The following MITF variants were observed in gnomAD, a reference collection of about 807,000 sequenced individuals.
The protein encoded by MITF is microphthalmia-associated transcription factor.
A neutral mutation model predicts 60.5 loss-of-function variants in MITF; 17 were observed. The ratio of observed to expected loss-of-function variants is 0.28; its 90% CI spans 0.19 to 0.42. MITF has a LOEUF of 0.42. Among genes scored for constraint, MITF ranks in the 10% least tolerant of loss-of-function variants. MITF has a pLI of 1.00. For synonymous variants in MITF, 260 were observed against 248.5 expected (o/e 1.05, Z -0.43); for missense variants, 622 against 683.5 (o/e 0.91, Z 1.00).
At chr3:69,920,092 C>T (rs1575963923) in intron 2 of MITF, among the ~76,000 whole-genome samples, 1 of 152,138 alleles carries the variant, frequency 6.6e-6, no homozygotes, top group East Asian at 1.9e-4. Flanking sequence ...AAAAACCAGG[C>T]CATACAGAGA....
chr3:69,886,772 G>A (rs1249177371), intron 2 of MITF, among the ~76,000 whole-genome samples: 3 of 152,020 alleles, frequency 2.0e-5, no homozygotes, highest in Admixed American at 6.6e-5. Flanking sequence ...ATTGACCCCC[G>A]TGGTAATTTA....
At chr3:69,807,187 C>G (rs2063023915) in intron 1 of MITF, among the ~76,000 whole-genome samples, 1 of 152,132 alleles carries the variant, frequency 6.6e-6, no homozygotes, top group Non-Finnish European at 1.5e-5. Flanking sequence ...GTCTTATTGC[C>G]TGACTTCTCT....
At chr3:69,856,977 T>A (rs2063929062) in intron 1 of MITF, among the ~76,000 whole-genome samples, 1 of 152,130 alleles carries the variant, frequency 6.6e-6, no homozygotes, top group Admixed American at 6.6e-5. Flanking sequence ...TTAAGTCAGA[T>A]CATCGTTAGA....
intron 1 of MITF, among the ~76,000 whole-genome samples, chr3:69,854,757 G>A (rs2107189597): frequency 6.6e-6 from 1 of 152,212 alleles, no homozygotes; most frequent in Non-Finnish European, 1.5e-5. Context: ...CAGCATCCCT[G>A]GCCTCTACTC....
At chr3:69,868,018 A>C (rs1323883590) in intron 1 of MITF, among the ~76,000 whole-genome samples, 1 of 152,176 alleles carries the variant, frequency 6.6e-6, no homozygotes, top group Non-Finnish European at 1.5e-5. Context: ...AGGAAAGAAA[A>C]GGAACATGAT....
chr3:69,938,238 G>A lies in MITF; in HGVS notation c.582+189G>A, dbSNP rs546919663. On this transcript the variant is annotated intron_variant, in intron 3 of 9. Transcript: ENST00000352241. Reference sequence around the variant, plus strand: ...CTCCATCGCTGGGTTATTGGGTGTAGAGCACATGACGGGAGACCTGGCCCT... The same window carrying A: ...CTCCATCGCTGGGTTATTGGGTGTAAAGCACATGACGGGAGACCTGGCCCT... The A allele has an allele frequency of 4.7e-5, 53 of 1,139,390 alleles. 1 individual carries two copies. Among genetic ancestry groups the A allele is most frequent in the Admixed American group, 3.6e-4 (18 of 50,462 alleles). The allele number at this position is 1,139,390 out of a possible 1,614,324, so 70.6% of individuals were successfully genotyped here. A position where few individuals can be genotyped will look rare whatever the true frequency, so the allele number is the denominator to read the frequency against.
chr3:69,768,630 A>G (rs894617794), intron 1 of MITF, among the ~76,000 whole-genome samples: 4 of 152,224 alleles, frequency 2.6e-5, no homozygotes, highest in Non-Finnish European at 5.9e-5. Context: ...ATTCATGTGC[A>G]GAAGCAAGAA....
At chr3:69,909,476 T>G (rs147474041) in intron 2 of MITF, among the ~76,000 whole-genome samples, 2,344 of 152,160 alleles carry the variant, frequency 0.015, 28 homozygotes, top group Middle Eastern at 0.051. Flanking sequence ...GTAACAGGCA[T>G]AGGTTGGAAC....
At chr3:69,954,975 A>T (rs2066359654) in intron 7 of MITF, among the ~76,000 whole-genome samples, 1 of 152,232 alleles carries the variant, frequency 6.6e-6, no homozygotes. Flanking sequence ...ACTTTAAATT[A>T]TTTGGAATTT....
At chr3:69,772,374 C>T (rs2062406736) in intron 1 of MITF, among the ~76,000 whole-genome samples, 1 of 152,166 alleles carries the variant, frequency 6.6e-6, no homozygotes, top group East Asian at 1.9e-4. Context: ...GGCCTAATGG[C>T]AAATGTTGGT....
chr3:69,792,831 T>G (rs903128628), intron 1 of MITF, among the ~76,000 whole-genome samples: 14 of 151,910 alleles, frequency 9.2e-5, no homozygotes, highest in Non-Finnish European at 1.5e-4. Flanking sequence ...CACTAAAAAT[T>G]TCCTCTCCTC....
chr3:69,758,119 A>ACG (rs2062158040), intron 1 of MITF, among the ~76,000 whole-genome samples: 1 of 141,874 alleles, frequency 7.0e-6, no homozygotes, highest in African/African-American at 2.6e-5. Flanking sequence ...TATCATATGC[A>ACG]CACACACACA....
At chr3:69,861,175 T>A (rs1187084932) in intron 1 of MITF, among the ~76,000 whole-genome samples, 1 of 152,212 alleles carries the variant, frequency 6.6e-6, no homozygotes, top group Non-Finnish European at 1.5e-5. Context: ...TTGACTTTCT[T>A]CATAATTAAT....
chr3:69,874,010 A>C (rs924435726), intron 1 of MITF, among the ~76,000 whole-genome samples: 2 of 152,200 alleles, frequency 1.3e-5, no homozygotes, highest in Non-Finnish European at 2.9e-5. Flanking sequence ...TAACCCATAC[A>C]TGACATAGGT....
At chr3:69,811,807 G>A (rs1411149919) in intron 1 of MITF, among the ~76,000 whole-genome samples, 2 of 152,170 alleles carry the variant, frequency 1.3e-5, no homozygotes, top group African/African-American at 4.8e-5. Context: ...GGAAGACTGT[G>A]TACACAGAGA....
intron 2 of MITF, 88 bp downstream of exon 2, chr3:69,879,471 G>A: frequency 6.3e-7 from 1 of 1,586,844 alleles, no homozygotes; most frequent in Non-Finnish European, 8.6e-7. Flanking sequence ...TATGTATTTT[G>A]TTAGACTGAC....
At chr3:69,820,936 T>C (rs975306319) in intron 1 of MITF, among the ~76,000 whole-genome samples, 1 of 152,174 alleles carries the variant, frequency 6.6e-6, no homozygotes, top group Non-Finnish European at 1.5e-5. Flanking sequence ...TGTGTATGTG[T>C]CTGTGTGTGT....
chr3:69,941,135 C>A (rs1246661586), intron 4 of MITF, 101 bp from the exon 5 acceptor site: 5 of 725,552 alleles, frequency 6.9e-6, no homozygotes, highest in Non-Finnish European at 1.2e-5. Flanking sequence ...TAACTAAAGA[C>A]CATTATTGCT....
At chr3:69,847,682 A>G (rs963058063) in intron 1 of MITF, among the ~76,000 whole-genome samples, 25 of 152,236 alleles carry the variant, frequency 1.6e-4, no homozygotes, top group Non-Finnish European at 3.5e-4. Context: ...TTCTGGTGAA[A>G]AATCATTTCT....
Sources: allele counts gnomAD v4.1 joint callset (sites outside exome capture counted in the v4.1 genomes callset), GRCh38; gene constraint gnomAD v4.1.1; transcripts MANE v1.5; gene names NCBI Gene and HGNC (gene_info 2026-07-23, HGNC 2026-07-21).